Variants in PCDH15 observed in about 807,000 individuals in gnomAD.
The protein encoded by PCDH15 is protocadherin related 15.
Under a neutral mutation model 178.5 loss-of-function variants are expected in PCDH15, and 129 were observed. That is an observed-to-expected ratio of 0.72 (90% CI 0.63 to 0.84). The LOEUF is 0.84. Among genes scored for constraint, PCDH15 ranks in the 40% least tolerant of loss-of-function variants. The pLI, the probability that PCDH15 is intolerant of heterozygous loss-of-function variation, is 0.00. For synonymous variants in PCDH15, 800 were observed against 732.0 expected, an observed-to-expected ratio of 1.09 and a Z score of -1.50; for missense variants, 2,230 against 2,099.9, an observed-to-expected ratio of 1.06 and a Z score of -1.21.
intron 28 of PCDH15, among the ~76,000 whole-genome samples, chr10:53,842,235 C>A (rs755513498): frequency 2.0e-5 from 3 of 152,068 alleles, no homozygotes; most frequent in Non-Finnish European, 2.9e-5. Flanking sequence ...GACAAGTAAT[C>A]TTAAGCTCTC....
At chr10:55,080,051 G>C (rs1013918780) in intron 2 of PCDH15, among the ~76,000 whole-genome samples, 1 of 152,062 alleles carries the variant, frequency 6.6e-6, no homozygotes. Flanking sequence ...ATTTGTGTTG[G>C]TGGGGTTGTC....
chr10:54,408,381 A>G (rs1952987665), intron 3 of PCDH15, among the ~76,000 whole-genome samples: 1 of 152,166 alleles, frequency 6.6e-6, no homozygotes, highest in East Asian at 1.9e-4. Flanking sequence ...CCATATATGT[A>G]AAATATGAAC....
At chr10:54,379,068 C>A in intron 3 of PCDH15, 126 bp from the exon 4 acceptor site, 1 of 966,838 alleles carries the variant, frequency 1.0e-6, no homozygotes, top group Non-Finnish European at 1.6e-6. Context: ...AACTGTATAT[C>A]TAGCATAAGA....
intron 13 of PCDH15, among the ~76,000 whole-genome samples, chr10:54,178,379 C>T (rs147664454): frequency 0.027 from 4,128 of 152,040 alleles, 80 homozygotes; most frequent in Middle Eastern, 0.078. Context: ...GGAAAATAAT[C>T]AGAGTGGGAT....
At chr10:54,459,092 A>G (rs544450680) in intron 3 of PCDH15, among the ~76,000 whole-genome samples, 1 of 152,030 alleles carries the variant, frequency 6.6e-6, no homozygotes, top group Non-Finnish European at 1.5e-5. Context: ...GTGTATCTAC[A>G]TGGTGCTAAA....
intron 8 of PCDH15, among the ~76,000 whole-genome samples, chr10:54,284,009 A>T (rs530519941): frequency 8.5e-5 from 13 of 152,220 alleles, no homozygotes; most frequent in Admixed American, 2.6e-4. Flanking sequence ...TTTTAAAAAA[A>T]TTTTTAACAG....
chr10:54,027,891 C>T (rs2093161206), intron 18 of PCDH15, among the ~76,000 whole-genome samples: 1 of 148,994 alleles, frequency 6.7e-6, no homozygotes, highest in South Asian at 2.1e-4. Flanking sequence ...GCAAGGACTT[C>T]ATGTCTAAAA....
intron 2 of PCDH15, among the ~76,000 whole-genome samples, chr10:55,335,615 A>G (rs1380340020): frequency 6.6e-6 from 1 of 152,182 alleles, no homozygotes; most frequent in Non-Finnish European, 1.5e-5. Flanking sequence ...TCAACAGCAA[A>G]GCATTAATGA....
intron 26 of PCDH15, among the ~76,000 whole-genome samples, chr10:53,901,874 T>C (rs1344677676): frequency 2.6e-5 from 4 of 152,212 alleles, no homozygotes; most frequent in Non-Finnish European, 5.9e-5. Flanking sequence ...ACTCTCATTC[T>C]TCCCTTATCA....
chr10:54,075,782 T>C (rs1402937103), intron 17 of PCDH15, among the ~76,000 whole-genome samples: 3 of 152,156 alleles, frequency 2.0e-5, no homozygotes. Flanking sequence ...TATTTTTGGA[T>C]TTTCTATTAA....
chr10:55,396,271 G>A lies in PCDH15; in HGVS notation c.-155-229620C>T, dbSNP rs143579039. 2.6e-3 allele frequency among the ~76,000 whole-genome samples: 390 copies of A among 152,196 alleles called. 2 individuals carry two copies. The highest frequency in any genetic ancestry group is 9.0e-3 in the African/African-American group (375 of 41,520). On this transcript the variant is annotated intron_variant, in intron 2 of 5. Transcript: ENST00000613346. ...ACTCTGTTGCCTGTTTAACCCTGTA[G>A]AGAAAAGATTGCACCATATGTCATT...
chr10:55,478,772 C>T (rs1565180269), intron 2 of PCDH15, among the ~76,000 whole-genome samples: 1 of 150,328 alleles, frequency 6.7e-6, no homozygotes, highest in Non-Finnish European at 1.5e-5. Context: ...AGACAAGACT[C>T]AAATAAATTC....
intron 32 of PCDH15, among the ~76,000 whole-genome samples, chr10:53,823,989 T>TAATTA (rs1450139193): frequency 2.6e-5 from 4 of 152,116 alleles, no homozygotes; most frequent in African/African-American, 9.7e-5. Flanking sequence ...ATTTTGTGCT[T>TAATTA]AATTAGTTTT....
At chr10:54,812,056 T>A (rs1262759689) in intron 3 of PCDH15, among the ~76,000 whole-genome samples, 2 of 152,094 alleles carry the variant, frequency 1.3e-5, no homozygotes, top group East Asian at 3.9e-4. Context: ...TCTTAATTAA[T>A]CAACATATTA....
At chr10:55,032,064 C>T (rs567187929) in intron 2 of PCDH15, among the ~76,000 whole-genome samples, 9 of 152,132 alleles carry the variant, frequency 5.9e-5, no homozygotes, top group African/African-American at 1.9e-4. Flanking sequence ...CTGAAAATTA[C>T]GGGGGATCTA....
intron 2 of PCDH15, among the ~76,000 whole-genome samples, chr10:55,462,933 C>A (rs934109063): frequency 6.6e-6 from 1 of 151,986 alleles, no homozygotes; most frequent in African/African-American, 2.4e-5. Context: ...GTGGCTCTGC[C>A]TTTATTCTGA....
intron 1 of PCDH15, among the ~76,000 whole-genome samples, chr10:54,730,595 T>C (rs1298762302): frequency 1.3e-5 from 2 of 151,356 alleles, no homozygotes; most frequent in Non-Finnish European, 3.0e-5. Flanking sequence ...AGAACCCAGA[T>C]ATAAATCCAT....
intron 3 of PCDH15, among the ~76,000 whole-genome samples, chr10:54,395,947 AT>A (rs1002601509): frequency 1.3e-5 from 2 of 152,176 alleles, no homozygotes; most frequent in African/African-American, 4.8e-5. Flanking sequence ...CAATTTACCT[AT>A]GGGAGATCAG....
At chr10:55,505,221 C>T (rs1017003096) in intron 2 of PCDH15, among the ~76,000 whole-genome samples, 2 of 151,308 alleles carry the variant, frequency 1.3e-5, no homozygotes, top group African/African-American at 2.4e-5. Context: ...TCTGGAAATA[C>T]ATCTTGACAA....
Sources: gnomAD v4.1 joint callset for allele counts (sites outside exome capture counted in the v4.1 genomes callset) on GRCh38, gnomAD v4.1.1 for gene constraint, MANE v1.5 for transcripts, NCBI Gene and HGNC (gene_info 2026-07-23, HGNC 2026-07-21) for gene names.